The following NEMP2 variants were observed in gnomAD, a reference collection of about 807,000 sequenced individuals.
NEMP2 encodes nuclear envelope integral membrane protein 2.
Under a neutral mutation model 54.2 loss-of-function variants are expected in NEMP2, and 53 were observed. That is an observed-to-expected ratio of 0.98 (90% CI 0.78 to 1.23). The LOEUF (loss-of-function observed/expected upper bound fraction) is 1.23. NEMP2 is among the 50% of genes most tolerant of loss of function. The probability of loss-of-function intolerance (pLI) is 0.00; values close to 1 mark genes in which losing one functional copy is unlikely to be tolerated. For missense variants in NEMP2, 455 were observed against 511.3 expected (o/e 0.89, Z 1.06); for synonymous variants, 197 against 190.3 (o/e 1.04, Z -0.29).
At chr2:190,437,340 C>G in the NEMP2 span, 1 of 1,614,274 alleles carries the variant, frequency 6.2e-7, no homozygotes, top group Non-Finnish European at 8.5e-7. This position sits in a 1 kb window ranked among gnomAD's most constrained non-coding sequence, Gnocchi z 5.9. Flanking sequence ...ACTTTTGGGA[C>G]TTAATCAAGC....
the NEMP2 span, among the ~76,000 whole-genome samples, chr2:190,605,341 C>CT: frequency 6.8e-6 from 1 of 147,616 alleles, no homozygotes; most frequent in Non-Finnish European, 1.5e-5. Flanking sequence ...TCTACCACGT[C>CT]TTTTTTTAAT....
At chr2:190,556,355 A>G in the NEMP2 span, among the ~76,000 whole-genome samples, 961 of 152,336 alleles carry the variant, frequency 6.3e-3, 17 homozygotes, top group African/African-American at 0.022. Flanking sequence ...ATTTATGACA[A>G]ACCCACAGCC....
the NEMP2 span, among the ~76,000 whole-genome samples, chr2:190,452,191 G>A: frequency 4.6e-5 from 7 of 151,960 alleles, no homozygotes; most frequent in East Asian, 1.9e-4. Context: ...GGAAGTGGAC[G>A]TTGCAGTGAG....
the NEMP2 span, among the ~76,000 whole-genome samples, chr2:190,615,411 T>A: frequency 1.3e-5 from 2 of 152,228 alleles, no homozygotes; most frequent in Non-Finnish European, 2.9e-5. The surrounding 1 kb of genome is among the most constrained non-coding windows in gnomAD (Gnocchi z 4.7). Context: ...AGGATACAGA[T>A]GAACAGCCAG....
the NEMP2 span, chr2:190,436,342 C>A: frequency 6.2e-7 from 1 of 1,614,212 alleles, no homozygotes; most frequent in Non-Finnish European, 8.5e-7. The surrounding 1 kb of genome is among the most constrained non-coding windows in gnomAD (Gnocchi z 5.3). Context: ...CCAGAGTGGA[C>A]TACTAGTAGG....
At chr2:190,455,707 C>T in the NEMP2 span, among the ~76,000 whole-genome samples, 3 of 151,120 alleles carry the variant, frequency 2.0e-5, no homozygotes, top group African/African-American at 7.3e-5. Context: ...GGAGGGTGGG[C>T]ACGGTGCAGG....
the NEMP2 span, among the ~76,000 whole-genome samples, chr2:190,589,532 C>G: frequency 6.6e-6 from 1 of 152,162 alleles, no homozygotes; most frequent in Non-Finnish European, 1.5e-5. This position sits in a 1 kb window ranked among gnomAD's most constrained non-coding sequence, Gnocchi z 4.3. Flanking sequence ...GGGGAATACT[C>G]TATCCACACT....
the NEMP2 span, among the ~76,000 whole-genome samples, chr2:190,548,226 T>A: frequency 1.3e-5 from 2 of 152,350 alleles, no homozygotes; most frequent in East Asian, 1.9e-4. Flanking sequence ...ACTCCTTTTT[T>A]TTTTCTTTTC....
the NEMP2 span, among the ~76,000 whole-genome samples, chr2:190,613,068 A>G: frequency 6.6e-6 from 1 of 152,226 alleles, no homozygotes; most frequent in African/African-American, 2.4e-5. Context: ...AGTCATCATT[A>G]AAAGTTATGA....
the NEMP2 span, among the ~76,000 whole-genome samples, chr2:190,426,770 T>C: frequency 6.6e-6 from 1 of 152,242 alleles, no homozygotes; most frequent in Non-Finnish European, 1.5e-5. This position sits in a 1 kb window ranked among gnomAD's most constrained non-coding sequence, Gnocchi z 4.7. Flanking sequence ...TCCTGGTTCT[T>C]GGTGTGACGA....
the NEMP2 span, among the ~76,000 whole-genome samples, chr2:190,481,963 C>T: frequency 1.5e-4 from 23 of 152,164 alleles, no homozygotes; most frequent in Non-Finnish European, 2.5e-4. Context: ...TCCTTTTCTT[C>T]GTGGACATGC....
Position 190,520,427 on chromosome 2 carries a change from A to G in NEMP2, c.214-1244T>C, listed in dbSNP as rs549064502. 2.6e-5 allele frequency among the ~76,000 whole-genome samples: 4 copies of G among 152,098 alleles called. No individual in the cohort carries two copies. The highest frequency in any genetic ancestry group is 9.6e-5 in the African/African-American group (4 of 41,482). ...GCTGCCTTTGTCTGTCCTTTTCTCTATTCCTCTTCTTTTTCTAAGAGTAGG... is the reference window on the plus strand; with the variant it reads ...GCTGCCTTTGTCTGTCCTTTTCTCTGTTCCTCTTCTTTTTCTAAGAGTAGG... On this transcript the variant is annotated intron_variant, in intron 2 of 8. Transcript: ENST00000409150. The surrounding 1 kb of genome is among the most constrained non-coding windows in gnomAD (Gnocchi z 5.4).
chr2:190,547,914 A>G, the NEMP2 span, among the ~76,000 whole-genome samples: 1 of 152,190 alleles, frequency 6.6e-6, no homozygotes, highest in East Asian at 1.9e-4. The surrounding 1 kb of genome is among the most constrained non-coding windows in gnomAD (Gnocchi z 6.2). Flanking sequence ...AAGTAAGGAA[A>G]AGATAATAGG....
At chr2:190,622,963 C>T in the NEMP2 span, among the ~76,000 whole-genome samples, 1 of 151,968 alleles carries the variant, frequency 6.6e-6, no homozygotes, top group African/African-American at 2.4e-5. Context: ...AAAACTAGAA[C>T]AGACAAACCA....
the NEMP2 span, among the ~76,000 whole-genome samples, chr2:190,468,118 A>T: frequency 3.9e-5 from 6 of 151,948 alleles, no homozygotes; most frequent in African/African-American, 1.4e-4. Context: ...TTTTTTCCCT[A>T]GCAGAGGGAA....
rs1477864191 is a variant in NEMP2 at position 190,504,753 on chromosome 2, AG to A, written c.*4435del. The A allele has an allele frequency of 1.3e-5, 2 of 152,172 alleles. No individual in the cohort carries two copies. Among genetic ancestry groups the A allele is most frequent in the African/African-American group, 2.4e-5 (1 of 41,436 alleles). 9.4% of individuals were successfully genotyped at this position (152,172 alleles called of 1,614,324 possible). ...AAATTGTAAACTTACATTTGAAAAA[AG>A]GTCGGATTTTTTTTGTTTCCTGAAA... On this transcript the variant is annotated 3_prime_UTR_variant, in exon 9 of 9. Coordinates refer to ENST00000409150, the MANE Select transcript of NEMP2 (RefSeq NM_001142645.2). This position sits in a 1 kb window ranked among gnomAD's most constrained non-coding sequence, Gnocchi z 5.6.
At chr2:190,454,577 G>T in the NEMP2 span, 1 of 152,018 alleles carries the variant, frequency 6.6e-6, no homozygotes, top group Non-Finnish European at 1.5e-5. This position sits in a 1 kb window ranked among gnomAD's most constrained non-coding sequence, Gnocchi z 4.6. Flanking sequence ...ACCATATGAG[G>T]ACACTGTAAG....
the NEMP2 span, among the ~76,000 whole-genome samples, chr2:190,495,488 A>G: frequency 6.6e-6 from 1 of 152,120 alleles, no homozygotes; most frequent in Admixed American, 6.5e-5. The surrounding 1 kb of genome is among the most constrained non-coding windows in gnomAD (Gnocchi z 4.7). Context: ...ACAGAACTAG[A>G]AAAAACAATC....
chr2:190,489,485 C>T, the NEMP2 span, among the ~76,000 whole-genome samples: 1 of 152,246 alleles, frequency 6.6e-6, no homozygotes, highest in East Asian at 1.9e-4. The surrounding 1 kb of genome is among the most constrained non-coding windows in gnomAD (Gnocchi z 6.6). Context: ...AAGAGGAGAG[C>T]ACCATTGAAT....
Sources: gnomAD v4.1 joint callset for allele counts (sites outside exome capture counted in the v4.1 genomes callset) on GRCh38, gnomAD v4.1.1 for gene constraint, Gnocchi (gnomAD v3.1) non-coding constraint, MANE v1.5 for transcripts, NCBI Gene and HGNC (gene_info 2026-07-23, HGNC 2026-07-21) for gene names.